Variants in PCDHGB1 observed in about 807,000 individuals in gnomAD.
PCDHGB1 encodes the protein protocadherin gamma-B1.
PCDHGB1 carries 34 observed loss-of-function variants against 56.6 expected under a neutral mutation model. The ratio of observed to expected loss-of-function variants is 0.60; its 90% CI spans 0.46 to 0.80. The LOEUF (loss-of-function observed/expected upper bound fraction) is 0.80, where lower values mean the gene tolerates loss of function less well. Ranked by LOEUF, PCDHGB1 falls within the 30% of genes least tolerant of loss-of-function variation. The pLI, the probability that PCDHGB1 is intolerant of heterozygous loss-of-function variation, is 0.00. For missense variants in PCDHGB1, 1,278 were observed against 1,204.6 expected, an observed-to-expected ratio of 1.06 and a Z score of -0.90; for synonymous variants, 561 against 505.9, an observed-to-expected ratio of 1.11 and a Z score of -1.46.
Position 141,393,354 on chromosome 5 carries a change from G to A in PCDHGB1, c.2409+40685G>A, listed in dbSNP as rs781276983. The A allele has an allele frequency of 2.4e-5, 39 of 1,613,824 alleles. No homozygotes were observed. The East Asian group carries it at 4.5e-4, about 18-fold the overall frequency. ...CAGCCCCAATCACCACTTCTCCCTG[G>A]ACGTGCAGACTGGAGACAATGGAGC... On this transcript the variant is annotated intron_variant, in intron 1 of 3. Coordinates refer to ENST00000523390, the MANE Select transcript of PCDHGB1 (RefSeq NM_018922.3).
chr5:141,374,151 T>C lies in PCDHGB1; in HGVS notation c.2409+21482T>C, dbSNP rs759314106. ...CTGCTCCTCACGCTCCTGGGGACGC[T>C]GTGGGGGGCCGCGGCAGCGCAGATC... On this transcript the variant is annotated intron_variant, in intron 1 of 3. Coordinates refer to ENST00000523390, the MANE Select transcript of PCDHGB1 (RefSeq NM_018922.3). 2 of 1,611,862 alleles carry C rather than the reference T, an allele frequency of 1.2e-6. No individual in the cohort carries two copies. Among genetic ancestry groups the C allele is most frequent in the Non-Finnish European group, 1.7e-6 (2 of 1,178,732 alleles).
intron 1 of PCDHGB1, chr5:141,417,867 G>C (rs1182017096): frequency 1.9e-6 from 3 of 1,552,610 alleles, no homozygotes; most frequent in African/African-American, 2.7e-5. Flanking sequence ...ACGATGGGAG[G>C]GAGCTGCGCG....
At position 141,489,985 on chromosome 5, in the gene PCDHGB1, G is replaced by C. The variant is rs761481986; in HGVS notation, c.2410-4822G>C. ...AACCTTCCAATCCTCAGTTCTACGT[G>C]TGGGAATCCCAGAGAATGCACCCAT... On this transcript the variant is annotated intron_variant, in intron 1 of 3. Coordinates refer to ENST00000523390, the MANE Select transcript of PCDHGB1 (RefSeq NM_018922.3). This position sits in a 1 kb window ranked among gnomAD's most constrained non-coding sequence, Gnocchi z 4.5. 3 of 1,614,212 alleles carry C rather than the reference G, an allele frequency of 1.9e-6. No individual in the cohort carries two copies. The East Asian group carries it at 6.7e-5, about 36-fold the overall frequency.
intron 1 of PCDHGB1, chr5:141,362,075 G>A (rs533999436): frequency 5.6e-6 from 9 of 1,612,846 alleles, no homozygotes; most frequent in Non-Finnish European, 7.6e-6. Context: ...GTCGCTGTGC[G>A]TGATGGAGGA....
intron 1 of PCDHGB1, chr5:141,404,287 C>T: frequency 6.2e-7 from 1 of 1,613,976 alleles, no homozygotes; most frequent in Non-Finnish European, 8.5e-7. Context: ...TGACTGACAT[C>T]AATGATAATC....
intron 1 of PCDHGB1, chr5:141,426,513 C>G (rs780618436): frequency 2.3e-5 from 8 of 341,028 alleles, no homozygotes; most frequent in African/African-American, 4.3e-5. Flanking sequence ...AATACTTTAC[C>G]GTGAACACGG....
chr5:141,364,897 A>G (rs780576369), intron 1 of PCDHGB1: 1 of 1,613,970 alleles, frequency 6.2e-7, no homozygotes, highest in Non-Finnish European at 8.5e-7. Context: ...CTGATGGACA[A>G]AAGTATCCGG....
chr5:141,360,641 G>A, intron 1 of PCDHGB1: 1 of 1,613,962 alleles, frequency 6.2e-7, no homozygotes, highest in Non-Finnish European at 8.5e-7. Flanking sequence ...TCACTACAAA[G>A]ATACCACCTT....
intron 1 of PCDHGB1, chr5:141,370,851 G>T (rs903944197): frequency 6.2e-7 from 1 of 1,614,018 alleles, no homozygotes; most frequent in Non-Finnish European, 8.5e-7. Flanking sequence ...AGCCACATTT[G>T]CCCTGGAATC....
intron 1 of PCDHGB1, chr5:141,422,221 A>T (rs1267909650): frequency 1.3e-6 from 2 of 1,565,034 alleles, no homozygotes; most frequent in Admixed American, 4.0e-5. Context: ...CTTTACCACC[A>T]CGACGATGTT....
chr5:141,433,571 C>T lies in PCDHGB1; in HGVS notation c.2410-61236C>T, dbSNP rs2097625242. ...TCTTTTCTGGCTGGGCGCGGTGGCT[C>T]ACGCCTGTAATCCCAGTACTTTGGG... On this transcript the variant is annotated intron_variant, in intron 1 of 3. Coordinates refer to ENST00000523390, the MANE Select transcript of PCDHGB1 (RefSeq NM_018922.3). 3.9e-5 allele frequency among the ~76,000 whole-genome samples: 6 copies of T among 152,228 alleles called. No homozygotes were observed. The South Asian group carries it at 1.2e-3, about 32-fold the overall frequency.
chr5:141,396,326 A>T (rs1198474229), intron 1 of PCDHGB1: 3 of 152,326 alleles, frequency 2.0e-5, no homozygotes, highest in Admixed American at 1.3e-4. Context: ...TCTCTAAAAA[A>T]ACTATTATTA....
intron 1 of PCDHGB1, chr5:141,377,921 A>C (rs1249670755): frequency 6.6e-6 from 1 of 152,150 alleles, no homozygotes; most frequent in African/African-American, 2.4e-5. Flanking sequence ...GTAAAAATCC[A>C]CCTGTAACTG....
intron 1 of PCDHGB1, chr5:141,427,791 G>T (rs763294539): frequency 1.3e-6 from 2 of 1,488,082 alleles, no homozygotes; most frequent in South Asian, 1.1e-5. Context: ...GTCGTCCTAC[G>T]TGTCCGTGAG....
intron 1 of PCDHGB1, chr5:141,356,530 G>T (rs1469460338): frequency 6.2e-7 from 1 of 1,613,694 alleles, no homozygotes; most frequent in East Asian, 2.2e-5. Flanking sequence ...GCAAGTGATG[G>T]ACATCAATGA....
At chr5:141,359,201 G>A (rs908538216) in intron 1 of PCDHGB1, among the ~76,000 whole-genome samples, 2 of 152,124 alleles carry the variant, frequency 1.3e-5, no homozygotes, top group African/African-American at 4.8e-5. Flanking sequence ...ACAAGTGAAT[G>A]TTGAGAGACA....
chr5:141,359,990 C>A, intron 1 of PCDHGB1: 3 of 999,454 alleles, frequency 3.0e-6, no homozygotes, highest in South Asian at 4.7e-5. Flanking sequence ...TAGAGGGGAA[C>A]TTCCTGCACA....
Position 141,490,345 on chromosome 5 carries a change from G to C in PCDHGB1, c.2410-4462G>C, listed in dbSNP as rs2099698831. On this transcript the variant is annotated intron_variant, in intron 1 of 3. Coordinates refer to ENST00000523390, the MANE Select transcript of PCDHGB1 (RefSeq NM_018922.3). This position sits in a 1 kb window ranked among gnomAD's most constrained non-coding sequence, Gnocchi z 5.4. ...AGAGAGCACACCAGTGGGCACAGTA[G>C]TGGGGTTGTTTAATGTGCGAGACCG... is the stretch of plus-strand genomic sequence containing the variant. 1 of 1,614,216 alleles carries C rather than the reference G, an allele frequency of 6.2e-7. No homozygotes were observed. Among genetic ancestry groups the C allele is most frequent in the Non-Finnish European group, 8.5e-7 (1 of 1,180,034 alleles).
chr5:141,459,548 C>G (rs980305784), intron 1 of PCDHGB1, among the ~76,000 whole-genome samples: 2 of 152,036 alleles, frequency 1.3e-5, no homozygotes, highest in African/African-American at 4.8e-5. Flanking sequence ...TTTTATTTCT[C>G]TTGGATAAAT....
Sources: allele counts gnomAD v4.1 joint callset (sites outside exome capture counted in the v4.1 genomes callset), GRCh38; gene constraint gnomAD v4.1.1; non-coding constraint Gnocchi (gnomAD v3.1); transcripts MANE v1.5; gene names NCBI Gene and HGNC (gene_info 2026-07-23, HGNC 2026-07-21).